MAP3K11: variants seen among roughly 807,000 people sequenced by gnomAD.
The protein encoded by MAP3K11 is SH3 domain-containing proline-rich kinase.
MAP3K11 carries 46 observed loss-of-function variants against 84.9 expected under a neutral mutation model. The observed-to-expected ratio is 0.54, with a 90% CI of 0.43 to 0.69. The LOEUF is 0.69. Ranked by LOEUF, MAP3K11 falls within the 30% of genes least tolerant of loss-of-function variation. The pLI is 0.00. For synonymous variants in MAP3K11, 527 were observed against 514.7 expected (o/e 1.02, Z -0.32); for missense variants, 1,053 against 1,198.3 (o/e 0.88, Z 1.79).
chr11:65,607,045 C>G (rs1225127675), intron 5 of MAP3K11: 4 of 699,474 alleles, frequency 5.7e-6, no homozygotes, highest in Non-Finnish European at 8.8e-6. Context: ...CCAGAACTTT[C>G]GTGAACCCCA....
chr11:65,605,929 G>T lies in MAP3K11; in HGVS notation c.1739+17C>A. Reference sequence around the variant, plus strand: ...AAAGCAAATGATGCTGGGTCTGGGGGGCACTCAGGTACTCACCTCCCATTC... The same window carrying T: ...AAAGCAAATGATGCTGGGTCTGGGGTGCACTCAGGTACTCACCTCCCATTC... On this transcript the variant is annotated intron_variant, in intron 7 of 9. Coordinates refer to ENST00000309100, the MANE Select transcript of MAP3K11 (RefSeq NM_002419.4). The T allele has an allele frequency of 6.2e-7, 1 of 1,607,000 alleles. No homozygotes were observed. The highest frequency in any genetic ancestry group is 1.1e-5 in the South Asian group (1 of 90,550).
chr11:65,598,203 A>G lies in MAP3K11; in HGVS notation c.*88T>C. ...GTGGGGTCCCTGGGGAAACTGAGGC[A>G]GCTGCAGAGGCTGACCCAGCTCCTG... is the stretch of plus-strand genomic sequence containing the variant. On this transcript the variant is annotated 3_prime_UTR_variant, in exon 10 of 10. Transcript: ENST00000309100. The G allele has an allele frequency of 1.7e-6, 2 of 1,148,470 alleles. No homozygotes were observed. The highest frequency in any genetic ancestry group is 2.3e-6 in the Non-Finnish European group (2 of 877,450). The allele number at this position is 1,148,470 out of a possible 1,614,324, so 71.1% of individuals were successfully genotyped here.
At chr11:65,600,603 C>A (rs868050163) in intron 8 of MAP3K11, among the ~76,000 whole-genome samples, 1 of 152,218 alleles carries the variant, frequency 6.6e-6, no homozygotes, top group East Asian at 1.9e-4. Flanking sequence ...TAGGGTTGGC[C>A]TGACTCCATT....
At position 65,608,086 on chromosome 11, in the gene MAP3K11, C is replaced by T. The variant is rs200559405; in HGVS notation, c.921-16G>A. 28 of 1,613,164 alleles carry T rather than the reference C, an allele frequency of 1.7e-5. No individual in the cohort carries two copies. The Admixed American group carries it at 3.8e-4, about 22-fold the overall frequency. ...CACCCCAAAACTGTGGGCGAGACAACAGGTCTGTGTTCCCTTTTCTCTCCC... is the reference window on the plus strand; with the variant it reads ...CACCCCAAAACTGTGGGCGAGACAATAGGTCTGTGTTCCCTTTTCTCTCCC... On this transcript the variant is annotated splice_polypyrimidine_tract_variant and intron_variant, in intron 2 of 9. Coordinates refer to ENST00000309100, the MANE Select transcript of MAP3K11 (RefSeq NM_002419.4).
intron 8 of MAP3K11, among the ~76,000 whole-genome samples, chr11:65,600,398 G>A (rs1204553315): frequency 2.0e-5 from 3 of 152,200 alleles, no homozygotes; most frequent in Non-Finnish European, 4.4e-5. Context: ...ATGGCATAGG[G>A]GCATTATGTT....
At chr11:65,607,223 C>G in intron 5 of MAP3K11, 47 bp downstream of exon 5, 1 of 1,441,562 alleles carries the variant, frequency 6.9e-7, no homozygotes, top group Non-Finnish European at 9.0e-7. Context: ...GCTCCACCCC[C>G]ACCCCCGCAG....
chr11:65,607,905 C>G lies in MAP3K11; in HGVS notation c.1069+17G>C. ...CCAGGGAGCTCTGTACCTCACCTGC[C>G]CTCCCCGTCCTCTTACCGGCCATAA... On this transcript the variant is annotated intron_variant, in intron 3 of 9. Transcript: ENST00000309100. 6 of 1,611,918 alleles carry G rather than the reference C, an allele frequency of 3.7e-6. No individual in the cohort carries two copies. The highest frequency in any genetic ancestry group is 5.1e-6 in the Non-Finnish European group (6 of 1,178,436).
At chr11:65,599,119 C>G (rs551724190) in intron 9 of MAP3K11, among the ~76,000 whole-genome samples, 53 of 152,318 alleles carry the variant, frequency 3.5e-4, no homozygotes, top group African/African-American at 1.3e-3. Flanking sequence ...GTGATCCTCC[C>G]AGAGTGCTGG....
Position 65,598,441 on chromosome 11 carries a change from G to C in MAP3K11, c.2394C>G (p.Pro798=). ...GGAACAAGGTCCAGGGTGCTCGGCG[G>C]GGTGCAGGCTGTGGTGATGGCAGGG... ...PSPLPSPQPA[P]RRAPWTLFPD... is the part of the protein sequence containing the mutation. Residue 798 remains proline (P), a synonymous_variant, in exon 10 of 10, where the codon CCC becomes CCG. Transcript: ENST00000309100. The C allele has an allele frequency of 6.2e-7, 1 of 1,609,680 alleles. No homozygotes were observed. Among genetic ancestry groups the C allele is most frequent in the Non-Finnish European group, 8.5e-7 (1 of 1,177,528 alleles).
intron 4 of MAP3K11, 29 bp from the exon 5 acceptor site, chr11:65,607,542 G>T (rs766371770): frequency 2.6e-6 from 4 of 1,553,538 alleles, no homozygotes; most frequent in Admixed American, 1.9e-5. Flanking sequence ...TGGTGGAGAG[G>T]TCAGCCTGGC....
intron 8 of MAP3K11, among the ~76,000 whole-genome samples, chr11:65,603,429 A>G (rs558283010): frequency 1.3e-5 from 2 of 152,374 alleles, no homozygotes; most frequent in Admixed American, 6.5e-5. Flanking sequence ...CAAGCTTCAC[A>G]GGGCAGTTGC....
chr11:65,602,595 G>A (rs560470440), intron 8 of MAP3K11, among the ~76,000 whole-genome samples: 3 of 151,892 alleles, frequency 2.0e-5, no homozygotes, highest in Admixed American at 6.6e-5. Flanking sequence ...GTAGTGAGCC[G>A]AGATTGCACC....
chr11:65,607,603 A>T, intron 4 of MAP3K11, 38 bp downstream of exon 4: 1 of 1,574,118 alleles, frequency 6.4e-7, no homozygotes, highest in Non-Finnish European at 8.6e-7. Flanking sequence ...GATCGGGGAG[A>T]CACTCGTTCC....
rs1854606192 is a variant in MAP3K11 at position 65,613,499 on chromosome 11, G to A, written c.258C>T (p.Gly86=). The part of the protein sequence containing the change: ...AISGDEGWWA[G]QVGGQVGIFP... ...AGATGCCCACCTGGCCACCCACCTG[G>A]CCCGCCCACCAGCCCTCGTCTCCTG... The change falls in exon 1 of 10, where the codon GGC becomes GGT. Residue 86 remains glycine (G), a synonymous_variant. Coordinates refer to ENST00000309100, the MANE Select transcript of MAP3K11 (RefSeq NM_002419.4). 3 of 1,611,128 alleles carry A rather than the reference G, an allele frequency of 1.9e-6. No individual in the cohort carries two copies. Among genetic ancestry groups the A allele is most frequent in the East Asian group, 4.5e-5 (2 of 44,814 alleles).
chr11:65,606,256 G>A lies in MAP3K11; in HGVS notation c.1604-175C>T, dbSNP rs915142539. On this transcript the variant is annotated intron_variant, in intron 6 of 9. Coordinates refer to ENST00000309100, the MANE Select transcript of MAP3K11 (RefSeq NM_002419.4). ...GTCTTGGGGCCAACAGTGGGGTGGG[G>A]CATCTCATCTAGCCCTTGGGCTGAA... 3.5e-5 allele frequency: 22 copies of A among 624,194 alleles called. 3 individuals are homozygous for A. Among genetic ancestry groups the A allele is most frequent in the Admixed American group, 1.9e-4 (5 of 26,086 alleles). 38.7% of individuals were successfully genotyped at this position (624,194 alleles called of 1,614,324 possible).
chr11:65,612,910 G>T, intron 1 of MAP3K11, 108 bp downstream of exon 1: 1 of 1,332,692 alleles, frequency 7.5e-7, no homozygotes, highest in East Asian at 2.7e-5. Flanking sequence ...GGACCCCCTA[G>T]GGTGGGAGCT....
intron 5 of MAP3K11, chr11:65,607,049 A>C: frequency 3.7e-5 from 24 of 643,628 alleles, no homozygotes; most frequent in Non-Finnish European, 4.4e-5. Flanking sequence ...AACTTTCGTG[A>C]ACCCCACCCC....
rs746967352 is a variant in MAP3K11 at position 65,599,554 on chromosome 11, C to T, written c.2046G>A (p.Thr682=). The T allele has an allele frequency of 1.3e-5, 20 of 1,489,974 alleles. No homozygotes were observed. The highest frequency in any genetic ancestry group is 1.1e-4 in the South Asian group (8 of 73,530). 92.3% of individuals were successfully genotyped at this position (1,489,974 alleles called of 1,614,324 possible). ...GESPTTPPTP[T]PAPCPTEPPP... ...GCGGCTCGGTCGGGCAGGGCGCGGG[C>T]GTTGGCGTGGGGGGTGTTGTCGGGG... Residue 682 remains threonine, a synonymous_variant, in exon 9 of 10, where the codon ACG becomes ACA. Coordinates refer to ENST00000309100, the MANE Select transcript of MAP3K11 (RefSeq NM_002419.4).
rs1381586260 is a variant in MAP3K11 at position 65,612,981 on chromosome 11, A to ATCTCGGTGGTC, written c.739+36_739+37insGACCACCGAGA. ...AAGGTTGGGAGCAGGTGTGTACCAG[A>ATCTCGGTGGTC]GCCATGCCACCCCCAACCATGCCCC... On this transcript the variant is annotated intron_variant, in intron 1 of 9. Transcript: ENST00000309100. 1.1e-5 allele frequency: 16 copies of ATCTCGGTGGTC among 1,513,998 alleles called. No homozygotes were observed. In the Admixed American group the frequency reaches 1.1e-4, roughly 11 times the overall value. The allele number at this position is 1,513,998 out of a possible 1,614,324, so 93.8% of individuals were successfully genotyped here. A position where few individuals can be genotyped will look rare whatever the true frequency, so the allele number is the denominator to read the frequency against.
Sources: gnomAD v4.1 joint callset for allele counts (sites outside exome capture counted in the v4.1 genomes callset) on GRCh38, gnomAD v4.1.1 for gene constraint, MANE v1.5 for transcripts, NCBI Gene and HGNC (gene_info 2026-07-23, HGNC 2026-07-21) for gene names.